Variants in POU6F2 observed in about 807,000 individuals in gnomAD.
POU6F2 encodes the protein POU class 6 homeobox 2, also known as POU domain, class 6, transcription factor 2.
Under a neutral mutation model 71.3 loss-of-function variants are expected in POU6F2, and 31 were observed. The observed-to-expected ratio is 0.43, with a 90% CI of 0.33 to 0.59. The LOEUF is 0.59. POU6F2 is among the 20% of genes least tolerant of loss of function. The probability of loss-of-function intolerance (pLI) is 0.04; values close to 1 mark genes in which losing one functional copy is unlikely to be tolerated. For synonymous variants in POU6F2, 347 were observed against 355.7 expected (o/e 0.98, Z 0.27); for missense variants, 783 against 856.8 (o/e 0.91, Z 1.07).
chr7:39,422,824 G>A (rs892143662), intron 6 of POU6F2, among the ~76,000 whole-genome samples: 6 of 152,104 alleles, frequency 3.9e-5, no homozygotes, highest in Admixed American at 2.6e-4. Context: ...CCTGACTTAC[G>A]TAGGCATTTT....
chr7:39,087,281 T>G (rs1037295069), intron 2 of POU6F2, among the ~76,000 whole-genome samples: 11 of 151,918 alleles, frequency 7.2e-5, no homozygotes, highest in Admixed American at 6.6e-4. Flanking sequence ...TCCCTAATTT[T>G]AAATGCTTAC....
chr7:39,082,235 G>A (rs953618950), intron 1 of POU6F2, among the ~76,000 whole-genome samples: 7 of 152,222 alleles, frequency 4.6e-5, no homozygotes, highest in Non-Finnish European at 1.0e-4. Context: ...TCCACCGTCT[G>A]GTTCTTGGGT....
Position 39,047,982 on chromosome 7 carries a change from T to C in POU6F2, c.106-37878T>C, listed in dbSNP as rs114989836. On this transcript the variant is annotated intron_variant, in intron 1 of 9. Transcript: ENST00000518318. The stretch of plus-strand genomic sequence containing the variant: ...ACATTAATCTGCAATTTTATTTTTT[T>C]ATGATGTCTTTGGCTGGCTTTGTTA... 7.0e-3 allele frequency among the ~76,000 whole-genome samples: 1,060 copies of C among 152,058 alleles called. 11 individuals carry two copies. The highest frequency in any genetic ancestry group is 0.024 in the African/African-American group (986 of 41,530).
intron 4 of POU6F2, among the ~76,000 whole-genome samples, chr7:39,212,621 G>A (rs1209558352): frequency 6.6e-6 from 1 of 152,024 alleles, no homozygotes; most frequent in Non-Finnish European, 1.5e-5. Context: ...ATGTTTATTG[G>A]GCTTTGGCCT....
Position 39,464,317 on chromosome 7 carries a change from A to G in POU6F2, c.1794A>G (p.Lys598=), listed in dbSNP as rs879366657. 3.1e-6 allele frequency: 5 copies of G among 1,613,940 alleles called. No homozygotes were observed. Among genetic ancestry groups the G allele is most frequent in the Non-Finnish European group, 4.2e-6 (5 of 1,179,862 alleles). Residue 598 remains lysine (K), a synonymous_variant, in exon 10 of 10, where the codon AAA becomes AAG. Coordinates refer to ENST00000518318, the MANE Select transcript of POU6F2 (RefSeq NM_001370959.1). The surrounding 1 kb of genome is among the most constrained non-coding windows in gnomAD (Gnocchi z 4.1). The part of the protein sequence containing the change: ...ARFEKLDITP[K]SAQKIKPVLE... The stretch of plus-strand genomic sequence containing the variant: ...TTGAAAAGCTGGACATCACCCCTAA[A>G]AGTGCCCAGAAGATCAAGCCGGTGC...
At chr7:39,343,773 C>T (rs543944559) in intron 5 of POU6F2, among the ~76,000 whole-genome samples, 4 of 152,222 alleles carry the variant, frequency 2.6e-5, no homozygotes, top group African/African-American at 7.2e-5. Context: ...TTCCCTCATC[C>T]GTGTGGTCTG....
chr7:39,142,755 GA>G (rs1562721523), intron 2 of POU6F2, among the ~76,000 whole-genome samples: 1 of 151,956 alleles, frequency 6.6e-6, no homozygotes, highest in African/African-American at 2.4e-5. Flanking sequence ...CAGTATAAAA[GA>G]AAAAAAGTTA....
chr7:39,011,957 T>C (rs907247298), intron 1 of POU6F2, among the ~76,000 whole-genome samples: 10 of 152,098 alleles, frequency 6.6e-5, no homozygotes, highest in African/African-American at 2.4e-4. Context: ...GCCCTTAACA[T>C]TTTTTCCTTC....
chr7:39,264,270 T>C (rs895821544), intron 4 of POU6F2, among the ~76,000 whole-genome samples: 1 of 152,188 alleles, frequency 6.6e-6, no homozygotes, highest in African/African-American at 2.4e-5. Context: ...AGTGCTCTAT[T>C]GGTGTTAGCT....
At chr7:39,405,908 C>G (rs954192567) in intron 5 of POU6F2, 1 of 152,198 alleles carries the variant, frequency 6.6e-6, no homozygotes, top group African/African-American at 2.4e-5. Context: ...GTATCAGCTA[C>G]AACAGCAAGC....
At chr7:39,203,254 T>C (rs1472145618) in intron 2 of POU6F2, among the ~76,000 whole-genome samples, 2 of 152,218 alleles carry the variant, frequency 1.3e-5, no homozygotes, top group African/African-American at 4.8e-5. Flanking sequence ...GTCCATGGCA[T>C]GCCGGTAAAC....
chr7:39,114,318 T>C (rs1791884303), intron 2 of POU6F2, among the ~76,000 whole-genome samples: 1 of 152,218 alleles, frequency 6.6e-6, no homozygotes, highest in African/African-American at 2.4e-5. Context: ...GGGAAGCTCA[T>C]TCATCTCTTC....
At chr7:39,441,107 G>A (rs1309440865) in intron 7 of POU6F2, among the ~76,000 whole-genome samples, 1 of 152,090 alleles carries the variant, frequency 6.6e-6, no homozygotes, top group African/African-American at 2.4e-5. Flanking sequence ...GCACCAACCT[G>A]ATGCCAGTAG....
intron 4 of POU6F2, among the ~76,000 whole-genome samples, chr7:39,234,844 A>G (rs1794644274): frequency 6.6e-6 from 1 of 152,206 alleles, no homozygotes; most frequent in South Asian, 2.1e-4. Context: ...ATGTTATTCT[A>G]GAAGTAAAAC....
chr7:39,435,584 T>A (rs566898386), intron 7 of POU6F2, among the ~76,000 whole-genome samples: 4 of 152,374 alleles, frequency 2.6e-5, no homozygotes, highest in Non-Finnish European at 5.9e-5. Flanking sequence ...AGGTTGCCTG[T>A]TCACTCTGAT....
intron 1 of POU6F2, among the ~76,000 whole-genome samples, chr7:39,081,806 C>A (rs758338368): frequency 6.6e-6 from 1 of 152,198 alleles, no homozygotes; most frequent in Admixed American, 6.5e-5. Context: ...GGCTCATCAT[C>A]CAAAATCTGG....
chr7:39,438,068 T>C (rs1160586466), intron 7 of POU6F2, among the ~76,000 whole-genome samples: 1 of 152,184 alleles, frequency 6.6e-6, no homozygotes, highest in Non-Finnish European at 1.5e-5. Context: ...TTACATTAGG[T>C]ATATCTCCTA....
chr7:39,346,299 G>A (rs1427684272), intron 5 of POU6F2, among the ~76,000 whole-genome samples: 2 of 152,160 alleles, frequency 1.3e-5, no homozygotes, highest in East Asian at 3.9e-4. Flanking sequence ...CCGTAGATTA[G>A]TCAAATCATG....
At chr7:39,003,680 C>T (rs1374193066) in intron 1 of POU6F2, among the ~76,000 whole-genome samples, 1 of 149,924 alleles carries the variant, frequency 6.7e-6, no homozygotes. Context: ...ACCTGGGAGG[C>T]AGAGCTTGCA....
Sources: gnomAD v4.1 joint callset for allele counts (sites outside exome capture counted in the v4.1 genomes callset) on GRCh38, gnomAD v4.1.1 for gene constraint, Gnocchi (gnomAD v3.1) non-coding constraint, MANE v1.5 for transcripts, NCBI Gene and HGNC (gene_info 2026-07-23, HGNC 2026-07-21) for gene names.